The following FSTL4 variants were observed in gnomAD, a reference collection of about 807,000 sequenced individuals.
FSTL4 encodes follistatin like 4.
FSTL4 carries 28 observed loss-of-function variants against 78.2 expected under a neutral mutation model. The ratio of observed to expected loss-of-function variants is 0.36; its 90% CI spans 0.27 to 0.49. The LOEUF is 0.49. FSTL4 is among the 20% of genes least tolerant of loss of function. FSTL4 has a pLI of 0.98. For synonymous variants in FSTL4, 422 were observed against 440.5 expected, an observed-to-expected ratio of 0.96 and a Z score of 0.53; for missense variants, 922 against 1,084.9, an observed-to-expected ratio of 0.85 and a Z score of 2.11.
At chr5:133,511,533 G>A (rs1026201405) in intron 3 of FSTL4, among the ~76,000 whole-genome samples, 3 of 152,112 alleles carry the variant, frequency 2.0e-5, no homozygotes, top group Non-Finnish European at 4.4e-5. Flanking sequence ...CTGGAGCAAG[G>A]GGCACACGTG....
intron 3 of FSTL4, among the ~76,000 whole-genome samples, chr5:133,454,712 A>G (rs955344972): frequency 2.0e-5 from 3 of 152,202 alleles, no homozygotes; most frequent in Non-Finnish European, 4.4e-5. Flanking sequence ...CACCACCCAC[A>G]TTCTGTTGAC....
At chr5:133,277,603 C>T (rs938930072) in intron 6 of FSTL4, among the ~76,000 whole-genome samples, 2 of 152,320 alleles carry the variant, frequency 1.3e-5, no homozygotes, top group East Asian at 3.9e-4. Context: ...TGCTATTCCC[C>T]ATCAGCTTCC....
chr5:133,348,116 C>T (rs1268432811), intron 4 of FSTL4, among the ~76,000 whole-genome samples: 1 of 152,178 alleles, frequency 6.6e-6, no homozygotes, highest in Non-Finnish European at 1.5e-5. Flanking sequence ...ATGTTATGGT[C>T]TCAGAGAAAA....
intron 8 of FSTL4, among the ~76,000 whole-genome samples, chr5:133,230,099 C>G (rs1308373058): frequency 6.6e-6 from 1 of 152,168 alleles, no homozygotes; most frequent in Non-Finnish European, 1.5e-5. Flanking sequence ...ATGAGCTTGC[C>G]TCTGTATGGT....
At chr5:133,368,969 G>C (rs780038914) in intron 4 of FSTL4, among the ~76,000 whole-genome samples, 24 of 152,228 alleles carry the variant, frequency 1.6e-4, no homozygotes, top group Admixed American at 3.9e-4. Context: ...GGATTTTCCA[G>C]CAGACGGTGC....
intron 3 of FSTL4, among the ~76,000 whole-genome samples, chr5:133,554,257 T>G (rs1310785471): frequency 1.3e-5 from 2 of 152,106 alleles, no homozygotes; most frequent in Non-Finnish European, 2.9e-5. Flanking sequence ...ACAGAGAGCC[T>G]GGGGAGATGG....
chr5:133,808,876 C>G, the FSTL4 span, among the ~76,000 whole-genome samples: 8 of 150,430 alleles, frequency 5.3e-5, no homozygotes, highest in Non-Finnish European at 1.0e-4. Context: ...CCACCGCCCC[C>G]GCACACAAAC....
rs1757247781 is a variant in FSTL4 at position 133,445,576 on chromosome 5, G to T, written c.161-44590C>A. Reference sequence around the variant, plus strand: ...CTCCCAAGGATCCTTGTGGAACCTGGGGATGAAGCGCCACTCCTGGGAGCC... The same window carrying T: ...CTCCCAAGGATCCTTGTGGAACCTGTGGATGAAGCGCCACTCCTGGGAGCC... On this transcript the variant is annotated intron_variant, in intron 3 of 15. Transcript: ENST00000265342. Among the ~76,000 whole-genome samples the T allele has an allele frequency of 2.6e-5, 4 of 152,302 alleles. No individual in the cohort carries two copies. The South Asian group carries it at 8.3e-4, about 32-fold the overall frequency.
At chr5:133,224,410 T>G in intron 10 of FSTL4, 194 bp from the exon 11 acceptor site, 1 of 485,466 alleles carries the variant, frequency 2.1e-6, no homozygotes, top group Non-Finnish European at 3.7e-6. Context: ...ACAAATGCTT[T>G]CAGGTCTCCA....
intron 13 of FSTL4, 67 bp downstream of exon 13, chr5:133,217,162 C>T: frequency 2.9e-6 from 4 of 1,381,736 alleles, no homozygotes; most frequent in Non-Finnish European, 4.1e-6. Context: ...ATGCAGAAAG[C>T]AAAGAAGAAT....
At chr5:133,643,810 T>G in the FSTL4 span, among the ~76,000 whole-genome samples, 1 of 152,158 alleles carries the variant, frequency 6.6e-6, no homozygotes, top group African/African-American at 2.4e-5. Flanking sequence ...GAGCTCACAA[T>G]GATCAGAGAG....
chr5:133,772,153 G>A, the FSTL4 span, among the ~76,000 whole-genome samples: 2 of 152,120 alleles, frequency 1.3e-5, no homozygotes, highest in East Asian at 1.9e-4. Flanking sequence ...GATGTCTTTA[G>A]TACTGCAAAA....
chr5:133,723,436 C>T, the FSTL4 span, among the ~76,000 whole-genome samples: 1 of 152,158 alleles, frequency 6.6e-6, no homozygotes, highest in African/African-American at 2.4e-5. Flanking sequence ...AGTGGTGACT[C>T]TGGGCCCTGG....
intron 7 of FSTL4, among the ~76,000 whole-genome samples, chr5:133,242,046 G>T (rs1751890154): frequency 6.6e-6 from 1 of 152,240 alleles, no homozygotes. Flanking sequence ...TTTGGAGAGA[G>T]ATTTGGCAAA....
rs1245926487 is a variant in FSTL4 at position 133,361,876 on chromosome 5, C to T, written c.409+38862G>A. On this transcript the variant is annotated intron_variant, in intron 4 of 15. Coordinates refer to ENST00000265342, the MANE Select transcript of FSTL4 (RefSeq NM_015082.2). The surrounding 1 kb of genome is among the most constrained non-coding windows in gnomAD (Gnocchi z 4.3). ...AGTCCTTCACAACAATACATTGTCA[C>T]ATGCCCCCATTTTTTGGATATCCCA... is the stretch of plus-strand genomic sequence containing the variant. Among the ~76,000 whole-genome samples, 2 of 152,216 alleles carry T rather than the reference C, an allele frequency of 1.3e-5. No homozygotes were observed. The highest frequency in any genetic ancestry group is 1.5e-5 in the Non-Finnish European group (1 of 68,042).
At chr5:133,697,394 G>T in the FSTL4 span, among the ~76,000 whole-genome samples, 1 of 152,192 alleles carries the variant, frequency 6.6e-6, no homozygotes, top group Non-Finnish European at 1.5e-5. Flanking sequence ...GGGATCAGCA[G>T]GTTCCTCCCC....
chr5:133,202,938 T>C (rs1200294833), intron 14 of FSTL4, among the ~76,000 whole-genome samples: 1 of 152,144 alleles, frequency 6.6e-6, no homozygotes, highest in African/African-American at 2.4e-5. Flanking sequence ...AGCCAGGTGG[T>C]GTGTGAAGTC....
chr5:133,710,039 G>T, the FSTL4 span, among the ~76,000 whole-genome samples: 3 of 152,280 alleles, frequency 2.0e-5, no homozygotes, highest in African/African-American at 7.2e-5. Context: ...GCATCCAGAG[G>T]ATCTCAGCCA....
chr5:133,547,083 T>C (rs1000239588), intron 3 of FSTL4, among the ~76,000 whole-genome samples: 2 of 152,136 alleles, frequency 1.3e-5, no homozygotes, highest in Non-Finnish European at 2.9e-5. Flanking sequence ...TTCAGAACCA[T>C]GGAGCTACAG....
Sources: gnomAD v4.1 joint callset for allele counts (sites outside exome capture counted in the v4.1 genomes callset) on GRCh38, gnomAD v4.1.1 for gene constraint, Gnocchi (gnomAD v3.1) non-coding constraint, MANE v1.5 for transcripts, NCBI Gene and HGNC (gene_info 2026-07-23, HGNC 2026-07-21) for gene names.